Variants in TENM3 observed in about 807,000 individuals in gnomAD.
TENM3 encodes teneurin-3.
A neutral mutation model predicts 255.1 loss-of-function variants in TENM3; 63 were observed. The observed-to-expected ratio is 0.25, with a 90% CI of 0.20 to 0.30. TENM3 has a LOEUF of 0.30. Ranked by LOEUF, TENM3 falls within the 10% of genes least tolerant of loss-of-function variation. TENM3 has a pLI of 1.00. For missense variants in TENM3, 2,929 were observed against 3,461.1 expected, an observed-to-expected ratio of 0.85 and a Z score of 3.86; for synonymous variants, 1,306 against 1,322.3, an observed-to-expected ratio of 0.99 and a Z score of 0.27.
chr4:181,770,337 G>A, the TENM3 span, among the ~76,000 whole-genome samples: 9 of 152,136 alleles, frequency 5.9e-5, no homozygotes, highest in Non-Finnish European at 1.0e-4. Context: ...GCAATTTATT[G>A]TGGTAAGGCT....
the TENM3 span, among the ~76,000 whole-genome samples, chr4:181,703,290 A>T: frequency 6.6e-6 from 1 of 152,172 alleles, no homozygotes; most frequent in African/African-American, 2.4e-5. Context: ...AATAGACTGT[A>T]CTTGTCTACT....
At chr4:181,905,219 A>T in the TENM3 span, among the ~76,000 whole-genome samples, 3 of 152,150 alleles carry the variant, frequency 2.0e-5, no homozygotes, top group Non-Finnish European at 4.4e-5. Context: ...TCCTGGCATA[A>T]TTATATATAT....
the TENM3 span, among the ~76,000 whole-genome samples, chr4:181,499,528 G>A: frequency 6.6e-6 from 1 of 152,188 alleles, no homozygotes; most frequent in Admixed American, 6.5e-5. Context: ...AAGGGGCACA[G>A]AGGAGGGAGA....
chr4:181,576,954 C>A, the TENM3 span, among the ~76,000 whole-genome samples: 1 of 138,610 alleles, frequency 7.2e-6, no homozygotes, highest in Non-Finnish European at 1.5e-5. Flanking sequence ...GCTGGGATTA[C>A]AGGCATGTGC....
At chr4:182,657,073 A>G (rs1468468724) in intron 6 of TENM3, among the ~76,000 whole-genome samples, 1 of 152,178 alleles carries the variant, frequency 6.6e-6, no homozygotes, top group African/African-American at 2.4e-5. Flanking sequence ...CAAGGAATTC[A>G]TTTAGCCTAA....
the TENM3 span, among the ~76,000 whole-genome samples, chr4:181,913,276 G>T: frequency 1.3e-5 from 2 of 152,156 alleles, no homozygotes; most frequent in African/African-American, 2.4e-5. Flanking sequence ...TGCAAACAAA[G>T]GAAGTCAAGG....
At chr4:182,138,847 C>A in the TENM3 span, among the ~76,000 whole-genome samples, 2 of 152,080 alleles carry the variant, frequency 1.3e-5, no homozygotes, top group African/African-American at 2.4e-5. Flanking sequence ...GAAAAGTCAA[C>A]CAAGGTCAAA....
At chr4:182,566,439 AG>A (rs1743799854) in intron 3 of TENM3, among the ~76,000 whole-genome samples, 1 of 152,324 alleles carries the variant, frequency 6.6e-6, no homozygotes, top group Non-Finnish European at 1.5e-5. Context: ...CCCACAGCCT[AG>A]GGACTAAACA....
the TENM3 span, among the ~76,000 whole-genome samples, chr4:181,468,610 T>C: frequency 6.6e-6 from 1 of 152,216 alleles, no homozygotes; most frequent in African/African-American, 2.4e-5. Context: ...ATTTGTATAG[T>C]ATGACACATT....
At chr4:181,927,480 C>A in the TENM3 span, among the ~76,000 whole-genome samples, 2 of 152,254 alleles carry the variant, frequency 1.3e-5, no homozygotes, top group Non-Finnish European at 2.9e-5. Flanking sequence ...TAGATTCCTG[C>A]TCTCTGGGCA....
At chr4:182,237,837 C>T (rs1342121954) in intron 1 of TENM3, among the ~76,000 whole-genome samples, 2 of 152,118 alleles carry the variant, frequency 1.3e-5, no homozygotes, top group Non-Finnish European at 2.9e-5. Context: ...TTTCTTCATT[C>T]TGTTTTTATT....
chr4:182,739,185 C>G (rs1193769319), intron 18 of TENM3, among the ~76,000 whole-genome samples: 1 of 151,936 alleles, frequency 6.6e-6, no homozygotes, highest in African/African-American at 2.4e-5. Context: ...CAAAAGCGTT[C>G]CTAGGAGTAG....
chr4:182,609,324 C>A (rs188495111), intron 4 of TENM3, among the ~76,000 whole-genome samples: 4 of 152,166 alleles, frequency 2.6e-5, no homozygotes, highest in African/African-American at 9.7e-5. Context: ...TTAATATACA[C>A]CCTGTCAAAG....
At chr4:182,063,833 C>T in the TENM3 span, among the ~76,000 whole-genome samples, 1 of 152,102 alleles carries the variant, frequency 6.6e-6, no homozygotes, top group Admixed American at 6.5e-5. Flanking sequence ...CATGTGCTCT[C>T]CTATGTGAAT....
At chr4:181,505,388 A>G in the TENM3 span, among the ~76,000 whole-genome samples, 1 of 152,218 alleles carries the variant, frequency 6.6e-6, no homozygotes, top group South Asian at 2.1e-4. Flanking sequence ...AAATGCAATA[A>G]TACCAGTTCC....
At chr4:182,452,998 G>A (rs956318784) in intron 3 of TENM3, among the ~76,000 whole-genome samples, 11 of 143,750 alleles carry the variant, frequency 7.7e-5, no homozygotes, top group Admixed American at 1.5e-4. Context: ...ATAACAATGT[G>A]TGTACTATAG....
At chr4:182,334,883 G>A (rs1307693276) in intron 2 of TENM3, among the ~76,000 whole-genome samples, 2 of 152,178 alleles carry the variant, frequency 1.3e-5, no homozygotes, top group Admixed American at 6.5e-5. Flanking sequence ...TGAGCCATGA[G>A]TAGCAGAAAG....
At chr4:182,723,762 A>T (rs1363836668) in intron 13 of TENM3, among the ~76,000 whole-genome samples, 2 of 152,236 alleles carry the variant, frequency 1.3e-5, no homozygotes, top group Non-Finnish European at 2.9e-5. Flanking sequence ...GGATTGGCAA[A>T]CAGTGGCCTC....
the TENM3 span, among the ~76,000 whole-genome samples, chr4:181,605,493 A>AGAAG: frequency 2.6e-4 from 2 of 7,742 alleles, no homozygotes; most frequent in African/African-American, 8.7e-4. Flanking sequence ...AAAGAAAGAA[A>AGAAG]GAAAGAAAGA....
Sources: gnomAD v4.1 joint callset for allele counts (sites outside exome capture counted in the v4.1 genomes callset) on GRCh38, gnomAD v4.1.1 for gene constraint, MANE v1.5 for transcripts, NCBI Gene and HGNC (gene_info 2026-07-23, HGNC 2026-07-21) for gene names.